Variants in AFG2B observed in about 807,000 individuals in gnomAD.
AFG2B encodes AAA ATPase AFG2B.
At chr15:45,402,777 G>A in the AFG2B span, 3 of 1,587,176 alleles carry the variant, frequency 1.9e-6, no homozygotes, top group Non-Finnish European at 1.7e-6. Context: ...GGCCGGTGTT[G>A]CGAGAGCGGG....
At chr15:45,407,909 A>G in the AFG2B span, among the ~76,000 whole-genome samples, 1 of 152,254 alleles carries the variant, frequency 6.6e-6, no homozygotes, top group East Asian at 1.9e-4. Context: ...TCTCCAAAAT[A>G]TAACCTGAGA....
the AFG2B span, among the ~76,000 whole-genome samples, chr15:45,404,833 A>AT: frequency 8.0e-4 from 119 of 148,000 alleles, no homozygotes; most frequent in Middle Eastern, 3.5e-3. Flanking sequence ...AGAAAAAAAA[A>AT]ATATATATAT....
the AFG2B span, chr15:45,402,781 G>C: frequency 6.3e-7 from 1 of 1,588,946 alleles, no homozygotes; most frequent in Non-Finnish European, 8.5e-7. Context: ...GGTGTTGCGA[G>C]AGCGGGCAGG....
At chr15:45,419,495 T>C in the AFG2B span, among the ~76,000 whole-genome samples, 3 of 150,972 alleles carry the variant, frequency 2.0e-5, no homozygotes, top group East Asian at 5.9e-4. Context: ...GAGTAGACAA[T>C]GGCCAGGACA....
At chr15:45,417,580 A>G in the AFG2B span, 69 of 541,030 alleles carry the variant, frequency 1.3e-4, no homozygotes, top group Non-Finnish European at 2.1e-4. Context: ...ACAGAGAAAC[A>G]TAAGCCTAAA....
the AFG2B span, chr15:45,420,917 A>AG: frequency 1.1e-6 from 1 of 902,484 alleles, no homozygotes; most frequent in African/African-American, 1.8e-5. Context: ...GCTTGAAACC[A>AG]GAAGACGGAG....
At chr15:45,412,826 C>T in the AFG2B span, among the ~76,000 whole-genome samples, 2 of 151,930 alleles carry the variant, frequency 1.3e-5, no homozygotes, top group Admixed American at 6.6e-5. Context: ...AGCTGTGGGA[C>T]GCAACTCTTC....
chr15:45,413,643 G>T, the AFG2B span, among the ~76,000 whole-genome samples: 1 of 152,082 alleles, frequency 6.6e-6, no homozygotes, highest in Non-Finnish European at 1.5e-5. Context: ...CTTGTAGCTG[G>T]TCTCCCTGCC....
At chr15:45,409,399 A>G in the AFG2B span, among the ~76,000 whole-genome samples, 70,152 of 149,700 alleles carry the variant, frequency 0.47, 21,155 homozygotes, top group East Asian at 0.83. Flanking sequence ...AAAGAGTTTG[A>G]TAATGTCTGT....
At chr15:45,411,627 T>A in the AFG2B span, among the ~76,000 whole-genome samples, 11 of 152,154 alleles carry the variant, frequency 7.2e-5, no homozygotes, top group African/African-American at 2.6e-4. Context: ...TACAAAAAAT[T>A]TTTTTAAATT....
the AFG2B span, chr15:45,405,533 A>G: frequency 1.2e-5 from 19 of 1,597,484 alleles, no homozygotes; most frequent in African/African-American, 4.0e-5. Flanking sequence ...ATGAACATCT[A>G]TGTTAATCTA....
chr15:45,405,389 A>T, the AFG2B span: 1 of 1,614,204 alleles, frequency 6.2e-7, no homozygotes, highest in Non-Finnish European at 8.5e-7. Context: ...GAAGATGCCC[A>T]TCTCCAGTCA....
the AFG2B span, among the ~76,000 whole-genome samples, chr15:45,413,264 G>A: frequency 6.6e-6 from 1 of 152,140 alleles, no homozygotes; most frequent in Non-Finnish European, 1.5e-5. Flanking sequence ...TGATGATCTT[G>A]ATGTCCACAG....
At chr15:45,407,085 C>T in the AFG2B span, 20 of 1,289,100 alleles carry the variant, frequency 1.6e-5, no homozygotes, top group African/African-American at 2.4e-4. Flanking sequence ...CTGCTGTCGT[C>T]CCAGGGTGGA....
At chr15:45,420,793 A>T in the AFG2B span, among the ~76,000 whole-genome samples, 1 of 152,158 alleles carries the variant, frequency 6.6e-6, no homozygotes, top group Admixed American at 6.5e-5. Flanking sequence ...GGAGTTCAAG[A>T]TGAGCCCGGC....
the AFG2B span, chr15:45,410,601 A>G: frequency 0.08 from 115,500 of 1,439,752 alleles, 6,891 homozygotes; most frequent in East Asian, 0.34. Flanking sequence ...TGATGACAAC[A>G]TACTGCGCTG....
chr15:45,410,562 A>G, the AFG2B span: 3 of 1,561,370 alleles, frequency 1.9e-6, no homozygotes, highest in Non-Finnish European at 2.6e-6. Flanking sequence ...ATCCAGTAGG[A>G]TATTACAGAT....
At chr15:45,403,058 A>G in the AFG2B span, 3 of 1,547,400 alleles carry the variant, frequency 1.9e-6, no homozygotes, top group Non-Finnish European at 2.6e-6. Flanking sequence ...GAGGCGGCCG[A>G]CTCGCTGCGG....
chr15:45,408,881 TG>T, the AFG2B span, among the ~76,000 whole-genome samples: 1 of 151,860 alleles, frequency 6.6e-6, no homozygotes, highest in Non-Finnish European at 1.5e-5. Context: ...AGCAAGACCC[TG>T]TCTCATAAAT....
Sources: allele counts gnomAD v4.1 joint callset (sites outside exome capture counted in the v4.1 genomes callset), GRCh38; gene constraint gnomAD v4.1.1; transcripts MANE v1.5; gene names NCBI Gene and HGNC (gene_info 2026-07-23, HGNC 2026-07-21).